The following CACNG7 variants were observed in gnomAD, a reference collection of about 807,000 sequenced individuals.
CACNG7 encodes the protein voltage-dependent calcium channel gamma-7 subunit.
Under a neutral mutation model 26.3 loss-of-function variants are expected in CACNG7, and 9 were observed. The observed-to-expected ratio is 0.34, with a 90% confidence interval of 0.21 to 0.60. The LOEUF is 0.60. CACNG7 is among the 20% of genes least tolerant of loss of function. The pLI is 0.81. For synonymous variants in CACNG7, 170 were observed against 157.0 expected, an observed-to-expected ratio of 1.08 and a Z score of -0.62; for missense variants, 297 against 380.4, an observed-to-expected ratio of 0.78 and a Z score of 1.82.
rs2068883494 is a variant in CACNG7 at position 53,914,652 on chromosome 19, G to A, written c.283+66G>A. ...TCACAGCCGAGTCGTGGAGTCCTGGGAGGGGGCAGGACTAGGGAAAGGGTG... is the reference window on the plus strand; with the variant it reads ...TCACAGCCGAGTCGTGGAGTCCTGGAAGGGGGCAGGACTAGGGAAAGGGTG... On this transcript the variant is annotated intron_variant, in intron 3 of 5. Transcript: ENST00000391767. 1.3e-5 allele frequency: 18 copies of A among 1,411,140 alleles called. No homozygotes were observed. In the South Asian group the frequency reaches 2.0e-4, roughly 15 times the overall value. 87.4% of individuals were successfully genotyped at this position (1,411,140 alleles called of 1,614,324 possible). A position where few individuals can be genotyped will look rare whatever the true frequency, so the allele number is the denominator to read the frequency against.
intron 4 of CACNG7, among the ~76,000 whole-genome samples, chr19:53,934,204 G>C (rs554362804): frequency 2.0e-5 from 3 of 152,158 alleles, no homozygotes; most frequent in African/African-American, 4.8e-5. Context: ...GCTGCATCTT[G>C]AATTTATTTG....
chr19:53,934,917 A>G (rs888499097), intron 4 of CACNG7, among the ~76,000 whole-genome samples: 6 of 152,164 alleles, frequency 3.9e-5, no homozygotes, highest in Admixed American at 6.6e-5. Context: ...TAAAAATAAT[A>G]CAATGAACTC....
At chr19:53,921,566 A>G (rs909417659) in intron 4 of CACNG7, among the ~76,000 whole-genome samples, 2 of 117,760 alleles carry the variant, frequency 1.7e-5, no homozygotes, top group Admixed American at 8.8e-5. Context: ...CAGGCTGGTC[A>G]TTGGTGGAGT....
chr19:53,923,972 T>G (rs1599983072), intron 4 of CACNG7, among the ~76,000 whole-genome samples: 2 of 106,720 alleles, frequency 1.9e-5, no homozygotes, highest in East Asian at 3.1e-4. Flanking sequence ...CTGGTATTGG[T>G]GGAGTTGTCC....
intron 4 of CACNG7, among the ~76,000 whole-genome samples, chr19:53,919,868 C>G (rs71365410): frequency 4.9e-4 from 53 of 107,930 alleles, no homozygotes; most frequent in South Asian, 6.2e-4. Flanking sequence ...CATTGGTGGA[C>G]TTGCCCCAGG....
chr19:53,913,932 G>C (rs2068877087), intron 2 of CACNG7, among the ~76,000 whole-genome samples: 1 of 151,884 alleles, frequency 6.6e-6, no homozygotes. Flanking sequence ...TTAAGACCTA[G>C]AGTTCCAGCC....
At chr19:53,911,172 T>C (rs1282027447) in intron 1 of CACNG7, among the ~76,000 whole-genome samples, 2 of 152,040 alleles carry the variant, frequency 1.3e-5, no homozygotes, top group Non-Finnish European at 1.5e-5. Flanking sequence ...TTCAAGCTAT[T>C]CTCCTGCCTC....
intron 4 of CACNG7, among the ~76,000 whole-genome samples, chr19:53,925,504 C>CCCCAGGTCTGGTCATTGGTGGACTTGT (rs2069021928): frequency 4.8e-5 from 5 of 105,212 alleles, no homozygotes; most frequent in African/African-American, 2.0e-4. Flanking sequence ...GGTGGACTTG[C>CCCCAGGTCTGGTCATTGGTGGACTTGT]CCCAGGCTGG....
At chr19:53,932,126 G>A (rs1387650960) in intron 4 of CACNG7, among the ~76,000 whole-genome samples, 1 of 151,384 alleles carries the variant, frequency 6.6e-6, no homozygotes, top group Admixed American at 6.6e-5. Flanking sequence ...AGTGACTCGA[G>A]CCTGTAGTAT....
In CACNG7 at chr19:53,912,723, C is replaced by A; in HGVS notation, c.-29-80C>A. The A allele has an allele frequency of 8.9e-7, 1 of 1,127,390 alleles. No individual in the cohort carries two copies. Among genetic ancestry groups the A allele is most frequent in the Non-Finnish European group, 1.3e-6 (1 of 766,368 alleles). The allele number at this position is 1,127,390 out of a possible 1,614,324, so 69.8% of individuals were successfully genotyped here. On this transcript the variant is annotated intron_variant, in intron 1 of 5. Coordinates refer to ENST00000391767, the MANE Select transcript of CACNG7 (RefSeq NM_031896.5). The surrounding 1 kb of genome is among the most constrained non-coding windows in gnomAD (Gnocchi z 4.6). ...GGGAGTCAGTGTCTCTGGCTAGGGC[C>A]CAGCATCCCGGGTTGCTGCATGGGG...
intron 1 of CACNG7, among the ~76,000 whole-genome samples, chr19:53,910,427 G>T (rs915240823): frequency 6.6e-6 from 1 of 152,160 alleles, no homozygotes; most frequent in Admixed American, 6.5e-5. Context: ...AGTGAGGGTT[G>T]TCTCAGACTC....
chr19:53,943,421 C>G lies in CACNG7; in HGVS notation c.*1128C>G, dbSNP rs892565641. The G allele has an allele frequency of 2.7e-5, 4 of 150,630 alleles. No individual in the cohort carries two copies. The highest frequency in any genetic ancestry group is 9.8e-5 in the African/African-American group (4 of 40,872). The allele number at this position is 150,630 out of a possible 1,614,324, so 9.3% of individuals were successfully genotyped here. Reference sequence around the variant, plus strand: ...GTCACCAGGAACTCGCCCACCCCCCCTTATTAGGGAAAGAGGGGCGAGGTA... The same window carrying G: ...GTCACCAGGAACTCGCCCACCCCCCGTTATTAGGGAAAGAGGGGCGAGGTA... On this transcript the variant is annotated 3_prime_UTR_variant, in exon 6 of 6. Transcript: ENST00000391767.
chr19:53,933,508 G>A (rs2069086896), intron 4 of CACNG7, among the ~76,000 whole-genome samples: 1 of 151,382 alleles, frequency 6.6e-6, no homozygotes, highest in African/African-American at 2.4e-5. Context: ...CCATGTTTTG[G>A]ACAGGCTGGT....
chr19:53,930,800 C>T (rs1329833120), intron 4 of CACNG7, among the ~76,000 whole-genome samples: 2 of 152,154 alleles, frequency 1.3e-5, no homozygotes, highest in Admixed American at 1.3e-4. Flanking sequence ...CCACTGTGCC[C>T]GGCCCCACCT....
intron 4 of CACNG7, among the ~76,000 whole-genome samples, chr19:53,917,420 G>A (rs931301386): frequency 6.6e-6 from 1 of 152,144 alleles, no homozygotes; most frequent in African/African-American, 2.4e-5. Flanking sequence ...GCAAATCGTT[G>A]AAAAGGGATC....
intron 4 of CACNG7, among the ~76,000 whole-genome samples, chr19:53,917,748 T>C (rs996978839): frequency 1.3e-5 from 2 of 152,198 alleles, no homozygotes; most frequent in African/African-American, 4.8e-5. Flanking sequence ...AGCATGGGGA[T>C]TTTTATTCAA....
At chr19:53,918,997 C>T (rs1171564462) in intron 4 of CACNG7, among the ~76,000 whole-genome samples, 4 of 152,184 alleles carry the variant, frequency 2.6e-5, no homozygotes, top group South Asian at 4.2e-4. Flanking sequence ...CTTGAACTCT[C>T]GACCTCAGGT....
chr19:53,927,252 T>G (rs2069038274), intron 4 of CACNG7, among the ~76,000 whole-genome samples: 1 of 152,172 alleles, frequency 6.6e-6, no homozygotes, highest in African/African-American at 2.4e-5. Flanking sequence ...TGTTCTTGTT[T>G]GTATCTTAGA....
intron 2 of CACNG7, 97 bp from the exon 3 acceptor site, chr19:53,914,403 T>C: frequency 1.0e-6 from 1 of 959,474 alleles, no homozygotes; most frequent in South Asian, 1.5e-5. Flanking sequence ...TGCTCCCCCA[T>C]CCTGGGGTCT....
Sources: gnomAD v4.1 joint callset for allele counts (sites outside exome capture counted in the v4.1 genomes callset) on GRCh38, gnomAD v4.1.1 for gene constraint, Gnocchi (gnomAD v3.1) non-coding constraint, MANE v1.5 for transcripts, NCBI Gene and HGNC (gene_info 2026-07-23, HGNC 2026-07-21) for gene names.